SV2C: variants seen among roughly 807,000 people sequenced by gnomAD.
SV2C encodes synaptic vesicle glycoprotein 2C.
SV2C carries 49 observed loss-of-function variants against 79.7 expected under a neutral mutation model. That is an observed-to-expected ratio of 0.61 (90% CI 0.49 to 0.78). SV2C has a LOEUF of 0.78. Among genes scored for constraint, SV2C ranks in the 30% least tolerant of loss-of-function variants. The pLI is 0.00. For synonymous variants in SV2C, 334 were observed against 333.2 expected (o/e 1.00, Z -0.03); for missense variants, 833 against 912.9 (o/e 0.91, Z 1.13).
the SV2C span, among the ~76,000 whole-genome samples, chr5:75,977,708 T>G: frequency 6.6e-6 from 1 of 152,280 alleles, no homozygotes; most frequent in East Asian, 1.9e-4. Context: ...CGGCAGTGCA[T>G]CTGCCAACAC....
intron 2 of SV2C, among the ~76,000 whole-genome samples, chr5:76,169,812 G>C (rs1273177589): frequency 2.0e-5 from 3 of 152,158 alleles, no homozygotes; most frequent in Non-Finnish European, 4.4e-5. Context: ...CAGATCATTT[G>C]GCCAGCTGTG....
rs927684720 is a variant in SV2C, at chr5:76,170,642, GTC to G, written c.581-24275_581-24274del. Among the ~76,000 whole-genome samples, 323 of 148,850 alleles carry G rather than the reference GTC, an allele frequency of 2.2e-3. 1 individual carries two copies. Among genetic ancestry groups the G allele is most frequent in the African/African-American group, 7.6e-3 (312 of 41,008 alleles). ...AAACATATAATAAGAGATTTGAAAA[GTC>G]TGGACATTTCCTTCCCAACAGATAT... On this transcript the variant is annotated intron_variant, in intron 2 of 12. Transcript: ENST00000502798.
chr5:76,209,428 C>G (rs1044042843), intron 3 of SV2C, among the ~76,000 whole-genome samples: 1 of 152,122 alleles, frequency 6.6e-6, no homozygotes, highest in African/African-American at 2.4e-5. Context: ...TCACACAAAA[C>G]ACAACCATGA....
chr5:76,131,587 G>A lies in SV2C; in HGVS notation c.-101-63G>A, dbSNP rs554699892. 1.7e-4 allele frequency: 79 copies of A among 453,070 alleles called. 1 individual carries two copies. In the South Asian group the frequency reaches 4.5e-3, roughly 26 times the overall value. The allele number at this position is 453,070 out of a possible 1,614,324, so 28.1% of individuals were successfully genotyped here. The stretch of plus-strand genomic sequence containing the variant: ...GACACTGAAAAGAGGTCAAGAAATA[G>A]ACGGTAAAAAATATATATATAGAAA... On this transcript the variant is annotated intron_variant, in intron 1 of 12. Coordinates refer to ENST00000502798, the MANE Select transcript of SV2C (RefSeq NM_014979.4).
chr5:76,128,765 G>C (rs192437753), intron 1 of SV2C, among the ~76,000 whole-genome samples: 4 of 152,282 alleles, frequency 2.6e-5, no homozygotes, highest in Admixed American at 2.6e-4. Flanking sequence ...AACAAAGTCT[G>C]ACATATATTA....
the SV2C span, among the ~76,000 whole-genome samples, chr5:76,022,101 A>G: frequency 2.9e-3 from 438 of 152,286 alleles, 4 homozygotes; most frequent in Non-Finnish European, 4.3e-3. Context: ...TGAAGCTTAC[A>G]GCACTCTTCT....
At chr5:76,243,804 C>A (rs150272717) in intron 4 of SV2C, among the ~76,000 whole-genome samples, 1,580 of 152,310 alleles carry the variant, frequency 0.01, 29 homozygotes, top group African/African-American at 0.036. Flanking sequence ...CCGGGCCCTC[C>A]TTGGGTGTGC....
intron 2 of SV2C, among the ~76,000 whole-genome samples, chr5:76,159,363 C>A (rs1456242112): frequency 1.3e-5 from 2 of 151,978 alleles, no homozygotes; most frequent in Non-Finnish European, 2.9e-5. Context: ...GTAACATAAT[C>A]GTGTATATGG....
the SV2C span, among the ~76,000 whole-genome samples, chr5:75,996,015 G>C: frequency 6.6e-6 from 1 of 152,162 alleles, no homozygotes; most frequent in African/African-American, 2.4e-5. Flanking sequence ...GAGTCAGGCA[G>C]ATCCTGCAGG....
chr5:76,260,234 A>G (rs142044159), intron 4 of SV2C, among the ~76,000 whole-genome samples: 2,363 of 152,266 alleles, frequency 0.016, 59 homozygotes, highest in African/African-American at 0.052. Context: ...GGCTGCATAA[A>G]TGTCTTCTTT....
chr5:76,184,135 G>T (rs1743835902), intron 2 of SV2C, among the ~76,000 whole-genome samples: 1 of 152,204 alleles, frequency 6.6e-6, no homozygotes, highest in African/African-American at 2.4e-5. Flanking sequence ...GGATAGAGAA[G>T]AAATAGCAAA....
chr5:76,350,377 A>G (rs1749623308), intron 12 of SV2C, among the ~76,000 whole-genome samples: 1 of 152,234 alleles, frequency 6.6e-6, no homozygotes, highest in Admixed American at 6.5e-5. Flanking sequence ...CAAGGCAGTC[A>G]TCTGCCTTCT....
intron 12 of SV2C, among the ~76,000 whole-genome samples, chr5:76,348,655 G>A (rs751515222): frequency 6.6e-6 from 1 of 152,172 alleles, no homozygotes; most frequent in Admixed American, 6.5e-5. Context: ...CATGAGTAAT[G>A]TGACTCTATA....
chr5:76,031,622 T>A, the SV2C span, among the ~76,000 whole-genome samples: 3 of 152,150 alleles, frequency 2.0e-5, no homozygotes, highest in Non-Finnish European at 4.4e-5. Flanking sequence ...GCAATTACAT[T>A]AAGGATTATC....
chr5:75,903,635 T>C, the SV2C span, among the ~76,000 whole-genome samples: 1 of 152,216 alleles, frequency 6.6e-6, no homozygotes, highest in African/African-American at 2.4e-5. Context: ...TTCCATTTGT[T>C]TGAGAACCAC....
At chr5:75,967,550 A>G in the SV2C span, among the ~76,000 whole-genome samples, 1 of 152,162 alleles carries the variant, frequency 6.6e-6, no homozygotes, top group Non-Finnish European at 1.5e-5. Flanking sequence ...AGAAGGTCCT[A>G]TGCCCACAGA....
intron 1 of SV2C, among the ~76,000 whole-genome samples, chr5:76,101,835 A>G (rs1444361610): frequency 6.6e-6 from 1 of 152,198 alleles, no homozygotes; most frequent in African/African-American, 2.4e-5. Context: ...AAATTTATTC[A>G]TTGGAGAGAG....
At chr5:76,280,578 A>C (rs1187430658) in intron 4 of SV2C, among the ~76,000 whole-genome samples, 1 of 152,214 alleles carries the variant, frequency 6.6e-6, no homozygotes, top group Non-Finnish European at 1.5e-5. Flanking sequence ...ACCAGCTGTC[A>C]AGATGGAGCC....
the SV2C span, among the ~76,000 whole-genome samples, chr5:75,960,844 CTGTT>C: frequency 6.6e-5 from 10 of 151,960 alleles, no homozygotes; most frequent in Non-Finnish European, 1.3e-4. Flanking sequence ...TATCTACAGA[CTGTT>C]TGTATTAGAT....
Sources: gnomAD v4.1 joint callset for allele counts (sites outside exome capture counted in the v4.1 genomes callset) on GRCh38, gnomAD v4.1.1 for gene constraint, MANE v1.5 for transcripts, NCBI Gene and HGNC (gene_info 2026-07-23, HGNC 2026-07-21) for gene names.